The following PALM3 variants were observed in gnomAD, a reference collection of about 807,000 sequenced individuals.
PALM3 encodes paralemmin-3.
In PALM3, 20 loss-of-function variants were observed where a neutral mutation model predicts 27.9. The ratio of observed to expected loss-of-function variants is 0.72; its 90% CI spans 0.50 to 1.04. The LOEUF is 1.04. Among genes scored for constraint, PALM3 ranks in the 50% least tolerant of loss-of-function variants. The pLI, the probability that PALM3 is intolerant of heterozygous loss-of-function variation, is 0.00. For missense variants in PALM3, 814 were observed against 869.4 expected, an observed-to-expected ratio of 0.94 and a Z score of 0.80; for synonymous variants, 328 against 352.7, an observed-to-expected ratio of 0.93 and a Z score of 0.79.
intron 1 of PALM3, among the ~76,000 whole-genome samples, chr19:14,061,040 C>T (rs1416186957): frequency 2.0e-5 from 3 of 152,208 alleles, no homozygotes; most frequent in Non-Finnish European, 4.4e-5. Flanking sequence ...GGATTACAGG[C>T]GTGAGCCACC....
chr19:14,057,981 G>T (rs1256625073), intron 2 of PALM3, among the ~76,000 whole-genome samples: 1 of 152,128 alleles, frequency 6.6e-6, no homozygotes, highest in Non-Finnish European at 1.5e-5. Context: ...GGTAGCAGGC[G>T]CCTGTAATCC....
At position 14,057,390 on chromosome 19, in the gene PALM3, C is replaced by CCGGCGCG; in HGVS notation, c.125_131dup (p.Glu45AlafsTer110). On this transcript the variant is annotated frameshift_variant, in exon 3 of 7. Transcript: ENST00000669674. LOFTEE classifies it high-confidence loss of function. ...CGCGGAGTTTCTCCTCCTCCACCTCCCGGCGCGCGGCGCGGATCTCCTCCT... is the reference window on the plus strand; with the variant it reads ...CGCGGAGTTTCTCCTCCTCCACCTCCCGGCGCGCGGCGCGCGGCGCGGATCTCCTCCT... 1 of 1,545,004 alleles carries CCGGCGCG rather than the reference C, an allele frequency of 6.5e-7. No homozygotes were observed. Among genetic ancestry groups the CCGGCGCG allele is most frequent in the Non-Finnish European group, 8.7e-7 (1 of 1,145,476 alleles).
rs989399266 is a variant in PALM3 at position 14,053,974 on chromosome 19, CTGGG to C, written c.1694_1697del (p.Ser565TrpfsTer5). On this transcript the variant is annotated frameshift_variant, in exon 7 of 7. Coordinates refer to ENST00000669674, the MANE Select transcript of PALM3 (RefSeq NM_001145028.2). LOFTEE classifies it low-confidence loss of function (END_TRUNC). ...GCCCTGCCTCATTCATCTCCTCTGC[CTGGG>C]ATTCACTTCCTTCCCTAGACCCTTG... is the stretch of plus-strand genomic sequence containing the variant. 1.3e-6 allele frequency: 2 copies of C among 1,551,598 alleles called. No individual in the cohort carries two copies. Among genetic ancestry groups the C allele is most frequent in the Admixed American group, 2.0e-5 (1 of 50,978 alleles).
At position 14,053,407 on chromosome 19, in the gene PALM3, A is replaced by G. The variant is rs1976218190; in HGVS notation, c.*198T>C. On this transcript the variant is annotated 3_prime_UTR_variant, in exon 7 of 7. Coordinates refer to ENST00000669674, the MANE Select transcript of PALM3 (RefSeq NM_001145028.2). ...TTTTATTTTCAAGTATAAAGGCTTC[A>G]TCGCAGAAGGAGGCCAGGGTTACAG... is the stretch of plus-strand genomic sequence containing the variant. 5 of 508,448 alleles carry G rather than the reference A, an allele frequency of 9.8e-6. 1 individual carries two copies. In the South Asian group the frequency reaches 2.8e-4, roughly 29 times the overall value. The allele number at this position is 508,448 out of a possible 1,614,324, so 31.5% of individuals were successfully genotyped here. A position where few individuals can be genotyped will look rare whatever the true frequency, so the allele number is the denominator to read the frequency against.
chr19:14,054,029 C>T lies in PALM3; in HGVS notation c.1643G>A (p.Gly548Glu). Reference sequence around the variant, plus strand: ...TTCTAGATTCAGATCTCCCTCCGTCCCTTGGGTCTTCTCTGTCTCCAATGA... The same window carrying T: ...TTCTAGATTCAGATCTCCCTCCGTCTCTTGGGTCTTCTCTGTCTCCAATGA... The part of the protein sequence containing the change: ...EESLETEKTQ[G>E]TEGDLNLEQG... The change falls in exon 7 of 7, where the codon GGG becomes GAG. Residue 548 changes from glycine (G) to glutamate (E), a missense_variant. Physicochemically the swap from Gly to Glu is moderately conservative, Grantham distance 98 (BLOSUM62 -2). Coordinates refer to ENST00000669674, the MANE Select transcript of PALM3 (RefSeq NM_001145028.2). 2 of 1,551,764 alleles carry T rather than the reference C, an allele frequency of 1.3e-6. No homozygotes were observed. The highest frequency in any genetic ancestry group is 1.7e-6 in the Non-Finnish European group (2 of 1,146,986).
intron 3 of PALM3, chr19:14,057,038 T>A: frequency 1.7e-6 from 1 of 591,594 alleles, no homozygotes; most frequent in African/African-American, 1.9e-5. Flanking sequence ...GAAATCAATG[T>A]CCCTCCCTAC....
rs1176449857 is a variant in PALM3 at position 14,056,255 on chromosome 19, GA to G, written c.399+173del. Among the ~76,000 whole-genome samples the G allele has an allele frequency of 5.3e-5, 8 of 152,342 alleles. No individual in the cohort carries two copies. In the East Asian group the frequency reaches 1.5e-3, roughly 29 times the overall value. On this transcript the variant is annotated intron_variant, in intron 5 of 6. Transcript: ENST00000669674. Reference sequence around the variant, plus strand: ...TTAGAGATGGGAAAACTAAGGCTTGGAAAAGGAAATTGACTTGCCAAGACCA... The same window carrying G: ...TTAGAGATGGGAAAACTAAGGCTTGGAAAGGAAATTGACTTGCCAAGACCA...
At chr19:14,056,875 T>C (rs892616692) in intron 3 of PALM3, 71 bp from the exon 4 acceptor site, 2 of 1,440,284 alleles carry the variant, frequency 1.4e-6, no homozygotes, top group East Asian at 5.0e-5. Context: ...CCTCCCGACC[T>C]CTGCAGGCTG....
intron 2 of PALM3, 139 bp from the exon 3 acceptor site, chr19:14,057,570 G>A (rs1186989357): frequency 5.3e-6 from 3 of 566,340 alleles, no homozygotes; most frequent in African/African-American, 4.1e-5. Flanking sequence ...GGCGGGGGTG[G>A]CCCAGCGCGG....
chr19:14,055,506 C>T (rs1976289439), intron 5 of PALM3, 81 bp from the exon 6 acceptor site: 2 of 1,415,614 alleles, frequency 1.4e-6, no homozygotes, highest in African/African-American at 1.4e-5. Context: ...CCCACCCCAC[C>T]ACCCCTAAAT....
chr19:14,054,649 A>C lies in PALM3; in HGVS notation c.1023T>G (p.Pro341=). Residue 341 remains proline, a synonymous_variant, in exon 7 of 7, where the codon CCT becomes CCG. Transcript: ENST00000669674. The part of the protein sequence containing the change: ...IEGEDVPQGS[P]EGDGQGGSGG... Reference sequence around the variant, plus strand: ...CAGAGCCTCCCTGCCCATCACCCTCAGGGCTGCCCTGGGGCACATCTTCCC... The same window carrying C: ...CAGAGCCTCCCTGCCCATCACCCTCCGGGCTGCCCTGGGGCACATCTTCCC... 6.4e-7 allele frequency: 1 copy of C among 1,551,290 alleles called. No individual in the cohort carries two copies.
In PALM3 at chr19:14,056,806, TG is replaced by T; in HGVS notation, c.172-3del. ...CCAACGTTCCCGGAGAGACTTCCTCTGGGCAGGGGAAGGGAGTTGGGGCTGG... is the reference window on the plus strand; with the variant it reads ...CCAACGTTCCCGGAGAGACTTCCTCTGGCAGGGGAAGGGAGTTGGGGCTGG... On this transcript the variant is annotated splice_region_variant and splice_polypyrimidine_tract_variant and intron_variant, in intron 3 of 6. Coordinates refer to ENST00000669674, the MANE Select transcript of PALM3 (RefSeq NM_001145028.2). 1 of 1,544,698 alleles carries T rather than the reference TG, an allele frequency of 6.5e-7. No individual in the cohort carries two copies. Among genetic ancestry groups the T allele is most frequent in the Non-Finnish European group, 8.7e-7 (1 of 1,143,568 alleles).
At position 14,053,670 on chromosome 19, in the gene PALM3, G is replaced by A; in HGVS notation, c.2002C>T (p.Pro668Ser). 1 of 1,479,232 alleles carries A rather than the reference G, an allele frequency of 6.8e-7. No homozygotes were observed. The highest frequency in any genetic ancestry group is 9.0e-7 in the Non-Finnish European group (1 of 1,115,804). 91.6% of individuals were successfully genotyped at this position (1,479,232 alleles called of 1,614,324 possible). A position where few individuals can be genotyped will look rare whatever the true frequency, so the allele number is the denominator to read the frequency against. Residue 668 changes from proline to serine, a missense_variant, in exon 7 of 7, where the codon CCC (proline) becomes TCC (serine). Physicochemically the swap from Pro to Ser is moderately conservative, Grantham distance 74. Transcript: ENST00000669674. ...CCACTTGCCTCTTCACCCTCGGTGGGGGCAGATGGCTCAGGCTGCCGGGCA... is the reference window on the plus strand; with the variant it reads ...CCACTTGCCTCTTCACCCTCGGTGGAGGCAGATGGCTCAGGCTGCCGGGCA... ...APARQPEPSA[P>S]TEGEEASGPK...
chr19:14,056,913 C>T, intron 3 of PALM3, 109 bp from the exon 4 acceptor site: 1 of 1,095,778 alleles, frequency 9.1e-7, no homozygotes. Context: ...CACCTCACAA[C>T]CAGTTGCGAC....
At chr19:14,056,153 C>T (rs912970894) in intron 5 of PALM3, among the ~76,000 whole-genome samples, 3 of 152,216 alleles carry the variant, frequency 2.0e-5, no homozygotes, top group African/African-American at 4.8e-5. Flanking sequence ...AAGTGATCCG[C>T]CCACCTCGGC....
At chr19:14,061,206 G>A (rs962808101) in intron 1 of PALM3, among the ~76,000 whole-genome samples, 3 of 152,156 alleles carry the variant, frequency 2.0e-5, no homozygotes, top group Non-Finnish European at 2.9e-5. Flanking sequence ...GGGGGGGATC[G>A]GGTTCCCATT....
chr19:14,054,068 C>T lies in PALM3; in HGVS notation c.1604G>A (p.Arg535Lys), dbSNP rs950046610. 6 of 1,551,596 alleles carry T rather than the reference C, an allele frequency of 3.9e-6. No individual in the cohort carries two copies. Among genetic ancestry groups the T allele is most frequent in the Non-Finnish European group, 5.2e-6 (6 of 1,146,968 alleles). ...TGTCTCCAATGATTCCTCACCTCCC[C>T]TTTTCTCTGCCTCCAGTGTCTCCTC... Reference protein sequence around the residue: ...GGEETLEAEKRGGEESLETEK... With the variant: ...GGEETLEAEKKGGEESLETEK... Residue 535 changes from arginine to lysine, a missense_variant, in exon 7 of 7, where the codon AGG becomes AAG. Physicochemically the swap from Arg to Lys is conservative, Grantham distance 26 (BLOSUM62 2). Transcript: ENST00000669674.
chr19:14,054,770 G>T lies in PALM3; in HGVS notation c.902C>A (p.Ala301Glu). The T allele has an allele frequency of 6.4e-7, 1 of 1,551,584 alleles. No homozygotes were observed. The highest frequency in any genetic ancestry group is 8.7e-7 in the Non-Finnish European group (1 of 1,146,964). ...VVWEGVGGSD[A>E]EAMGEIGRVP... is the part of the protein sequence containing the mutation. ...CCTGCCTATCTCCCCCATGGCCTCT[G>T]CATCACTGCCACCCACCCCCTCCCA... The change falls in exon 7 of 7, where the codon GCA (alanine) becomes GAA (glutamate). Residue 301 changes from alanine to glutamate, a missense_variant. By Grantham distance (107) the Ala-to-Glu change is moderately radical. Transcript: ENST00000669674.
intron 6 of PALM3, 39 bp from the exon 7 acceptor site, chr19:14,055,265 A>G: frequency 1.3e-6 from 2 of 1,520,548 alleles, no homozygotes; most frequent in South Asian, 2.5e-5. Context: ...GACAAAAGGG[A>G]AGACAGGGTT....
Sources: gnomAD v4.1 joint callset for allele counts (sites outside exome capture counted in the v4.1 genomes callset) on GRCh38, gnomAD v4.1.1 for gene constraint, MANE v1.5 for transcripts, NCBI Gene and HGNC (gene_info 2026-07-23, HGNC 2026-07-21) for gene names.